Variants in APBA1 observed in about 807,000 individuals in gnomAD.
The protein encoded by APBA1 is amyloid-beta A4 precursor protein-binding family A member 1.
In APBA1, 55 loss-of-function variants were observed where a neutral mutation model predicts 86.6. The ratio of observed to expected loss-of-function variants is 0.64; its 90% confidence interval spans 0.51 to 0.80. The LOEUF is 0.80. Among genes scored for constraint, APBA1 ranks in the 30% least tolerant of loss-of-function variants. The pLI is 0.00. For missense variants in APBA1, 1,090 were observed against 1,183.0 expected, an observed-to-expected ratio of 0.92 and a Z score of 1.15; for synonymous variants, 511 against 493.9, an observed-to-expected ratio of 1.03 and a Z score of -0.46.
chr9:69,533,571 C>G (rs2133909401), intron 1 of APBA1, among the ~76,000 whole-genome samples: 1 of 152,236 alleles, frequency 6.6e-6, no homozygotes, highest in East Asian at 1.9e-4. Context: ...TTTCTTGCTG[C>G]CATGTTGGTA....
At chr9:69,540,158 A>ACAACAACAACAACAAC (rs1554698954) in intron 1 of APBA1, among the ~76,000 whole-genome samples, 2 of 148,238 alleles carry the variant, frequency 1.3e-5, no homozygotes, top group South Asian at 2.1e-4. Flanking sequence ...AACAACAACA[A>ACAACAACAACAACAAC]AAGTCACCTT....
At chr9:69,610,784 C>A (rs568436898) in intron 1 of APBA1, among the ~76,000 whole-genome samples, 6 of 152,234 alleles carry the variant, frequency 3.9e-5, no homozygotes, top group African/African-American at 1.4e-4. Context: ...GATTCTCAAA[C>A]ATTAAGGCAT....
chr9:69,536,505 G>A (rs1438920644), intron 1 of APBA1, among the ~76,000 whole-genome samples: 1 of 151,514 alleles, frequency 6.6e-6, no homozygotes, highest in African/African-American at 2.4e-5. Context: ...TTCTATAGCG[G>A]TAAAATATAT....
intron 1 of APBA1, among the ~76,000 whole-genome samples, chr9:69,578,486 A>C (rs1821850655): frequency 6.6e-6 from 1 of 151,910 alleles, no homozygotes; most frequent in Admixed American, 6.6e-5. Flanking sequence ...TCTAAATACC[A>C]CCCTGAATTT....
rs60164245 is a variant in APBA1, at chr9:69,600,806, T to TAATAAATAAATA, written c.-70+71335_-70+71346dup. On this transcript the variant is annotated intron_variant, in intron 1 of 12. Coordinates refer to ENST00000265381, the MANE Select transcript of APBA1 (RefSeq NM_001163.4). Reference sequence around the variant, plus strand: ...GAGAAGACTTCGTCTCAAAAAATAATAATAAATAAATAAATAAATAAATAA... The same window carrying TAATAAATAAATA: ...GAGAAGACTTCGTCTCAAAAAATAATAATAAATAAATAAATAAATAAATAAATAAATAAATAA... Among the ~76,000 whole-genome samples, 1,431 of 143,714 alleles carry TAATAAATAAATA rather than the reference T, an allele frequency of 1.0e-2. 15 individuals are homozygous for TAATAAATAAATA. Among genetic ancestry groups the TAATAAATAAATA allele is most frequent in the African/African-American group, 0.028 (1,084 of 38,794 alleles). The allele number at this position is 143,714 out of a possible 152,430, so 94.3% of individuals were successfully genotyped here. A position where few individuals can be genotyped will look rare whatever the true frequency, so the allele number is the denominator to read the frequency against.
rs375029164 is a variant in APBA1 at position 69,516,719 on chromosome 9, G to T, written c.492C>A (p.Ala164=). Reference sequence around the variant, plus strand: ...GGTGCGTGTAGACGTAGCCTGAGTAGGCCGCATTCATGGCTTCCTCGTGCT... The same window carrying T: ...GGTGCGTGTAGACGTAGCCTGAGTATGCCGCATTCATGGCTTCCTCGTGCT... ...SLEHEEAMNA[A]YSGYVYTHRL... is the part of the protein sequence containing the mutation. Residue 164 remains alanine (A), a synonymous_variant, in exon 2 of 13, where the codon GCC becomes GCA. Transcript: ENST00000265381. The surrounding 1 kb of genome is among the most constrained non-coding windows in gnomAD (Gnocchi z 7.3). The T allele has an allele frequency of 4.5e-5, 72 of 1,611,662 alleles. No homozygotes were observed. The South Asian group carries it at 5.7e-4, about 13-fold the overall frequency.
At chr9:69,500,864 G>A (rs1030098808) in intron 2 of APBA1, among the ~76,000 whole-genome samples, 1 of 152,068 alleles carries the variant, frequency 6.6e-6, no homozygotes, top group African/African-American at 2.4e-5. Flanking sequence ...TGGGGTAGAG[G>A]CCAGTCCAGA....
At chr9:69,636,963 G>GAA (rs1459939035) in intron 1 of APBA1, among the ~76,000 whole-genome samples, 1 of 151,134 alleles carries the variant, frequency 6.6e-6, no homozygotes, top group Non-Finnish European at 1.5e-5. Context: ...AAGAAAGAAA[G>GAA]AAAGAAAGAA....
chr9:69,449,218 A>T (rs1834960806), intron 10 of APBA1, among the ~76,000 whole-genome samples: 1 of 152,220 alleles, frequency 6.6e-6, no homozygotes, highest in Non-Finnish European at 1.5e-5. Flanking sequence ...TGCCAAGTGT[A>T]TCTGGCTGAC....
chr9:69,448,923 T>A (rs1013498454), intron 10 of APBA1, among the ~76,000 whole-genome samples: 1 of 152,022 alleles, frequency 6.6e-6, no homozygotes, highest in Non-Finnish European at 1.5e-5. Flanking sequence ...CTAAAGAAAA[T>A]CTCATTTCTT....
chr9:69,542,237 G>A lies in APBA1; in HGVS notation c.-69-24958C>T, dbSNP rs981004024. On this transcript the variant is annotated intron_variant, in intron 1 of 12. Transcript: ENST00000265381. ...CATCTCCCACCAGAGTGGTGCATTT[G>A]TTGCAGTCAATGAACCAAGACTGGC... Among the ~76,000 whole-genome samples the A allele has an allele frequency of 2.0e-5, 3 of 152,292 alleles. No individual in the cohort carries two copies. The East Asian group carries it at 5.8e-4, about 29-fold the overall frequency.
intron 2 of APBA1, among the ~76,000 whole-genome samples, chr9:69,488,472 T>C (rs1000451082): frequency 3.9e-5 from 6 of 152,170 alleles, no homozygotes; most frequent in African/African-American, 1.2e-4. Context: ...TTTTTTAGTA[T>C]TGCTTTCAAG....
At chr9:69,506,339 C>G (rs959564576) in intron 2 of APBA1, among the ~76,000 whole-genome samples, 1 of 145,422 alleles carries the variant, frequency 6.9e-6, no homozygotes, top group African/African-American at 2.6e-5. Flanking sequence ...CACTCCCACC[C>G]GAATATTGCG....
At chr9:69,607,621 A>AGAGTAAGATATAACTTATAT (rs1399533283) in intron 1 of APBA1, among the ~76,000 whole-genome samples, 1 of 152,226 alleles carries the variant, frequency 6.6e-6, no homozygotes, top group Non-Finnish European at 1.5e-5. Flanking sequence ...CTCATTCATA[A>AGAGTAAGATATAACTTATAT]ATAAAACCAC....
chr9:69,617,691 C>T (rs576910032), intron 1 of APBA1, among the ~76,000 whole-genome samples: 2 of 152,250 alleles, frequency 1.3e-5, no homozygotes, highest in Admixed American at 6.5e-5. Flanking sequence ...CTCATTCCTA[C>T]TGTTCAGCCA....
chr9:69,577,343 T>C (rs1246888384), intron 1 of APBA1, among the ~76,000 whole-genome samples: 1 of 152,158 alleles, frequency 6.6e-6, no homozygotes, highest in East Asian at 1.9e-4. Flanking sequence ...ACAGCTGTGA[T>C]GGTGACATGA....
chr9:69,469,665 C>T (rs372847402), intron 4 of APBA1, among the ~76,000 whole-genome samples: 2 of 152,106 alleles, frequency 1.3e-5, no homozygotes, highest in African/African-American at 2.4e-5. Context: ...GAGATGGATT[C>T]GGGCTATATA....
chr9:69,609,293 C>T (rs894344819), intron 1 of APBA1, among the ~76,000 whole-genome samples: 1 of 151,918 alleles, frequency 6.6e-6, no homozygotes, highest in Non-Finnish European at 1.5e-5. Flanking sequence ...TGTGCAAATG[C>T]CTAATAAAAA....
intron 1 of APBA1, among the ~76,000 whole-genome samples, chr9:69,648,546 T>C (rs565684041): frequency 6.6e-6 from 1 of 152,274 alleles, no homozygotes; most frequent in Admixed American, 6.5e-5. Context: ...ATTTCACCAG[T>C]GGGCAAAAAT....
Sources: allele counts gnomAD v4.1 joint callset (sites outside exome capture counted in the v4.1 genomes callset), GRCh38; gene constraint gnomAD v4.1.1; non-coding constraint Gnocchi (gnomAD v3.1); transcripts MANE v1.5; gene names NCBI Gene and HGNC (gene_info 2026-07-23, HGNC 2026-07-21).